IL11RA: variants seen among roughly 807,000 people sequenced by gnomAD.
The protein encoded by IL11RA is interleukin 11 receptor subunit alpha, also known as interleukin-11 receptor subunit alpha.
A neutral mutation model predicts 57.0 loss-of-function variants in IL11RA; 51 were observed. The observed-to-expected ratio is 0.89, with a 90% CI of 0.71 to 1.13. The LOEUF is 1.13. IL11RA is among the 50% of genes most tolerant of loss of function. The pLI is 0.00. For missense variants in IL11RA, 498 were observed against 539.4 expected (o/e 0.92, Z 0.76); for synonymous variants, 199 against 217.5 (o/e 0.91, Z 0.75).
chr9:34,661,257 C>G (rs1013377092), intron 12 of IL11RA, among the ~76,000 whole-genome samples: 2 of 151,784 alleles, frequency 1.3e-5, no homozygotes, highest in Non-Finnish European at 2.9e-5. Context: ...TTCAAGGTGT[C>G]TTGGATCAGT....
At chr9:34,655,982 C>A in intron 3 of IL11RA, 1 of 407,722 alleles carries the variant, frequency 2.5e-6, no homozygotes, top group Non-Finnish European at 4.6e-6. Context: ...GTAATACCTG[C>A]AGGGCAGAAA....
rs746537135 is a variant in IL11RA at position 34,655,277 on chromosome 9, G to A, written c.60G>A (p.Val20=). ...TGGTGGCCGTGGCTACAGCCCTGGT[G>A]TCTGCCTCCTCCCCCTGCCCCCAGG... ...RVLVAVATAL[V]SASSPCPQAW... Residue 20 remains valine (V), a synonymous_variant, in exon 2 of 13, where the codon GTG becomes GTA. Coordinates refer to ENST00000441545, the MANE Select transcript of IL11RA (RefSeq NM_001142784.3). 4.3e-6 allele frequency: 7 copies of A among 1,611,566 alleles called. No individual in the cohort carries two copies. In the Admixed American group the frequency reaches 1.0e-4, roughly 23 times the overall value.
rs183921023 is a variant in IL11RA at position 34,661,580 on chromosome 9, C to A, written c.*82C>A. 2.9e-6 allele frequency: 4 copies of A among 1,393,982 alleles called. No individual in the cohort carries two copies. In the East Asian group the frequency reaches 6.8e-5, roughly 24 times the overall value. 86.4% of individuals were successfully genotyped at this position (1,393,982 alleles called of 1,614,324 possible). A position where few individuals can be genotyped will look rare whatever the true frequency, so the allele number is the denominator to read the frequency against. ...TAGAAACCAGGCAGGACAGTAGATCCCTATGGTTGGATCTCAGCTGGAAGT... is the reference window on the plus strand; with the variant it reads ...TAGAAACCAGGCAGGACAGTAGATCACTATGGTTGGATCTCAGCTGGAAGT... On this transcript the variant is annotated 3_prime_UTR_variant, in exon 13 of 13. Transcript: ENST00000441545.
chr9:34,660,015 T>C, intron 9 of IL11RA, 115 bp downstream of exon 9: 1 of 1,375,430 alleles, frequency 7.3e-7, no homozygotes, highest in Non-Finnish European at 1.0e-6. Flanking sequence ...GGCACGGCAA[T>C]TGCTGTCCCA....
In IL11RA at chr9:34,658,262, A is replaced by G. The variant is rs955949457; in HGVS notation, c.647-258A>G. Among the ~76,000 whole-genome samples, 1 of 152,168 alleles carries G rather than the reference A, an allele frequency of 6.6e-6. No homozygotes were observed. The highest frequency in any genetic ancestry group is 2.4e-5 in the African/African-American group (1 of 41,446). On this transcript the variant is annotated intron_variant, in intron 7 of 12. Transcript: ENST00000441545. The surrounding 1 kb of genome is among the most constrained non-coding windows in gnomAD (Gnocchi z 4.0). ...TTGCTACGTTGCCCACGCTGGTCTC[A>G]AACTCGTGGCATCAAGTGATCCTCC...
chr9:34,654,982 G>T (rs557679536), intron 1 of IL11RA: 16 of 507,870 alleles, frequency 3.2e-5, no homozygotes, highest in South Asian at 3.0e-4. Context: ...GGTGTGAGGG[G>T]GTGTGTGTGT....
At chr9:34,659,107 T>C (rs1387548863) in intron 8 of IL11RA, among the ~76,000 whole-genome samples, 1 of 152,056 alleles carries the variant, frequency 6.6e-6, no homozygotes, top group Admixed American at 6.5e-5. Flanking sequence ...GTATTTTTAG[T>C]AGAGATGGGG....
At chr9:34,660,184 A>C (rs2132359608) in intron 9 of IL11RA, 90 bp from the exon 10 acceptor site, 1 of 1,588,228 alleles carries the variant, frequency 6.3e-7, no homozygotes, top group East Asian at 2.2e-5. Flanking sequence ...AGGTACCTTG[A>C]CTTCCAACCT....
chr9:34,660,831 A>G, intron 11 of IL11RA, 23 bp from the exon 12 acceptor site: 1 of 1,603,332 alleles, frequency 6.2e-7, no homozygotes, highest in Non-Finnish European at 8.5e-7. Flanking sequence ...TGTTGGAGAG[A>G]CAGCTGCCTT....
chr9:34,656,926 G>A lies in IL11RA; in HGVS notation c.331+18G>A. ...GCTGGGCTGTGAGTTGGGGAGGGTG[G>A]CACTGATGACACATAGGGATCCTGA... On this transcript the variant is annotated intron_variant, in intron 4 of 12. Transcript: ENST00000441545. 6.2e-7 allele frequency: 1 copy of A among 1,613,930 alleles called. No individual in the cohort carries two copies. The highest frequency in any genetic ancestry group is 1.6e-4 in the Middle Eastern group (1 of 6,062).
chr9:34,657,882 C>T (rs955897276), intron 7 of IL11RA, among the ~76,000 whole-genome samples: 2 of 152,244 alleles, frequency 1.3e-5, no homozygotes, highest in Non-Finnish European at 2.9e-5. Flanking sequence ...CTGGCCCCTC[C>T]TTCCTTGACC....
At chr9:34,657,841 C>T (rs766454710) in intron 7 of IL11RA, among the ~76,000 whole-genome samples, 1 of 152,246 alleles carries the variant, frequency 6.6e-6, no homozygotes, top group African/African-American at 2.4e-5. Context: ...GGCCCTGTAC[C>T]GAATGCAGCC....
chr9:34,655,307 G>C lies in IL11RA; in HGVS notation c.90G>C (p.Trp30Cys). 2 of 1,596,768 alleles carry C rather than the reference G, an allele frequency of 1.3e-6. No individual in the cohort carries two copies. The highest frequency in any genetic ancestry group is 1.7e-6 in the Non-Finnish European group (2 of 1,166,424). The change falls in exon 2 of 13, where the codon TGG (tryptophan) becomes TGC (cysteine). Residue 30 changes from tryptophan (W) to cysteine (C), a missense_variant. Transcript: ENST00000441545. ...VSASSPCPQA[W>C]GPPGVQYGQP... The stretch of plus-strand genomic sequence containing the variant: ...CCTCCTCCCCCTGCCCCCAGGCCTG[G>C]GGCCCCCCAGGTGAGAAGAACCCTG...
Position 34,656,858 on chromosome 9 carries a change from G to T in IL11RA, c.281G>T (p.Cys94Phe), listed in dbSNP as rs369630361. ...AGCACTGATGAGGGCACCTACATCT[G>T]CCAGACCCTGGATGGTGCACTTGGG... ...ADSTDEGTYICQTLDGALGGT... is the reference protein window; with the variant it reads ...ADSTDEGTYIFQTLDGALGGT... The change falls in exon 4 of 13, where the codon TGC (cysteine) becomes TTC (phenylalanine). Residue 94 changes from cysteine to phenylalanine, a missense_variant. By Grantham distance (205) the Cys-to-Phe change is radical (BLOSUM62 -2). Coordinates refer to ENST00000441545, the MANE Select transcript of IL11RA (RefSeq NM_001142784.3). 50 of 1,614,042 alleles carry T rather than the reference G, an allele frequency of 3.1e-5. No individual in the cohort carries two copies. Among genetic ancestry groups the T allele is most frequent in the Non-Finnish European group, 4.1e-5 (48 of 1,180,030 alleles).
chr9:34,655,462 T>C lies in IL11RA; in HGVS notation c.101-143T>C. On this transcript the variant is annotated intron_variant, in intron 2 of 12. Transcript: ENST00000441545. ...CCTCTCTCTACCCTGTTCTCTGACC[T>C]CTGTCTCCAGATTATAACATGATGC... The C allele has an allele frequency of 4.5e-6, 4 of 882,622 alleles. No individual in the cohort carries two copies. The South Asian group carries it at 5.6e-5, about 12-fold the overall frequency. 54.7% of individuals were successfully genotyped at this position (882,622 alleles called of 1,614,324 possible). A position where few individuals can be genotyped will look rare whatever the true frequency, so the allele number is the denominator to read the frequency against.
rs569085784 is a variant in IL11RA, at chr9:34,656,758, C to T, written c.181C>T (p.Arg61Trp). ...TTCCAGGGACCCAGTGTCCTGGTTT[C>T]GGGATGGGGAGCCAAAGCTGCTCCA... ...VTAGDPVSWFRDGEPKLLQGP... is the reference protein window; with the variant it reads ...VTAGDPVSWFWDGEPKLLQGP... Residue 61 changes from arginine to tryptophan, a missense_variant, in exon 4 of 13, where the codon CGG (arginine) becomes TGG (tryptophan). Physicochemically the swap from Arg to Trp is moderately radical, Grantham distance 101. Coordinates refer to ENST00000441545, the MANE Select transcript of IL11RA (RefSeq NM_001142784.3). 57 of 1,614,128 alleles carry T rather than the reference C, an allele frequency of 3.5e-5. No homozygotes were observed. The highest frequency in any genetic ancestry group is 3.3e-4 in the South Asian group (30 of 91,078).
At position 34,660,825 on chromosome 9, in the gene IL11RA, G is replaced by A. The variant is rs201928290; in HGVS notation, c.1170-29G>A. The A allele has an allele frequency of 4.4e-6, 7 of 1,592,118 alleles. No homozygotes were observed. The Admixed American group carries it at 1.0e-4, about 23-fold the overall frequency. The stretch of plus-strand genomic sequence containing the variant: ...GGAGACTGAGATAACCCACATTGTT[G>A]GAGAGACAGCTGCCTTTCTATGCCC... On this transcript the variant is annotated intron_variant, in intron 11 of 12. Coordinates refer to ENST00000441545, the MANE Select transcript of IL11RA (RefSeq NM_001142784.3).
At chr9:34,660,823 T>C (rs759269880) in intron 11 of IL11RA, 31 bp from the exon 12 acceptor site, 5 of 1,588,932 alleles carry the variant, frequency 3.1e-6, no homozygotes, top group Admixed American at 1.7e-5. Flanking sequence ...ACCCACATTG[T>C]TGGAGAGACA....
chr9:34,656,830 G>C lies in IL11RA; in HGVS notation c.253G>C (p.Asp85His). 1.2e-6 allele frequency: 2 copies of C among 1,614,188 alleles called. No homozygotes were observed. The highest frequency in any genetic ancestry group is 1.7e-6 in the Non-Finnish European group (2 of 1,180,016). The change falls in exon 4 of 13, where the codon GAC (aspartate) becomes CAC (histidine). Residue 85 changes from aspartate to histidine, a missense_variant. Coordinates refer to ENST00000441545, the MANE Select transcript of IL11RA (RefSeq NM_001142784.3). ...LGHELVLAQADSTDEGTYICQ... is the reference protein window; with the variant it reads ...LGHELVLAQAHSTDEGTYICQ... ...GCATGAACTGGTCCTGGCCCAGGCA[G>C]ACAGCACTGATGAGGGCACCTACAT...
Sources: gnomAD v4.1 joint callset for allele counts (sites outside exome capture counted in the v4.1 genomes callset) on GRCh38, gnomAD v4.1.1 for gene constraint, Gnocchi (gnomAD v3.1) non-coding constraint, MANE v1.5 for transcripts, NCBI Gene and HGNC (gene_info 2026-07-23, HGNC 2026-07-21) for gene names.